Variants in PHF3 observed in about 807,000 individuals in gnomAD.
PHF3 encodes PHD finger protein 3.
Under a neutral mutation model 178.4 loss-of-function variants are expected in PHF3, and 41 were observed. That is an observed-to-expected ratio of 0.23 (90% CI 0.18 to 0.30). The LOEUF is 0.30. Ranked by LOEUF, PHF3 falls within the 10% of genes least tolerant of loss-of-function variation. PHF3 has a pLI of 1.00. For missense variants in PHF3, 2,346 were observed against 2,398.1 expected, an observed-to-expected ratio of 0.98 and a Z score of 0.45; for synonymous variants, 842 against 800.5, an observed-to-expected ratio of 1.05 and a Z score of -0.88.
At position 63,725,045 on chromosome 6, in the gene PHF3, T is replaced by C. The variant is rs1561996045; in HGVS notation, c.*11337T>C. ...TATCACTTGATTACTAAAAAATAAGTTTATGCCTTTCATCTGATAATTGTT... is the reference window on the plus strand; with the variant it reads ...TATCACTTGATTACTAAAAAATAAGCTTATGCCTTTCATCTGATAATTGTT... On this transcript the variant is annotated 3_prime_UTR_variant, in exon 16 of 16. Transcript: ENST00000262043. Among the ~76,000 whole-genome samples the C allele has an allele frequency of 1.3e-5, 2 of 152,274 alleles. No individual in the cohort carries two copies. The highest frequency in any genetic ancestry group is 3.8e-4 in the East Asian group (2 of 5,196).
rs1447425950 is a variant in PHF3 at position 63,700,399 on chromosome 6, T to C, written c.3032T>C (p.Ile1011Thr). The change falls in exon 9 of 16, where the codon ATC (isoleucine) becomes ACC (threonine). Residue 1011 changes from isoleucine (I) to threonine (T), a missense_variant. Coordinates refer to ENST00000262043, the MANE Select transcript of PHF3 (RefSeq NM_001370348.2). ...GGAGAAGTAACTCCTGATCATCTTA[T>C]CAGAATGAGTCCAGAAGAACTAGCT... ...LKGEVTPDHLIRMSPEELASK... is the reference protein window; with the variant it reads ...LKGEVTPDHLTRMSPEELASK... The C allele has an allele frequency of 1.9e-6, 3 of 1,602,870 alleles. No homozygotes were observed.
In PHF3 at chr6:63,720,920, G is replaced by A. The variant is rs1334763086; in HGVS notation, c.*7212G>A. On this transcript the variant is annotated 3_prime_UTR_variant, in exon 16 of 16. Transcript: ENST00000262043. ...GGTGCCATTTATTACAACAGAATGT[G>A]CCATTGTTATAGCTCATAGGCACAG... 1.9e-6 allele frequency: 3 copies of A among 1,551,166 alleles called. No homozygotes were observed. The highest frequency in any genetic ancestry group is 2.6e-6 in the Non-Finnish European group (3 of 1,146,656).
rs1766645196 is a variant in PHF3 at position 63,685,414 on chromosome 6, G to A, written c.1692G>A (p.Gly564=). The part of the protein sequence containing the change: ...KEPKIQSCNS[G]VKSVKNQAHS... ...CAAAGATTCAGAGTTGCAATTCTGG[G>A]GTTAAATCTGTGAAAAACCAAGCTC... Residue 564 remains glycine, a synonymous_variant, in exon 4 of 16, where the codon GGG becomes GGA. Coordinates refer to ENST00000262043, the MANE Select transcript of PHF3 (RefSeq NM_001370348.2). 4 of 1,613,864 alleles carry A rather than the reference G, an allele frequency of 2.5e-6. No homozygotes were observed. Among genetic ancestry groups the A allele is most frequent in the Non-Finnish European group, 3.4e-6 (4 of 1,179,950 alleles).
chr6:63,677,479 A>G (rs1766220421), intron 2 of PHF3, among the ~76,000 whole-genome samples: 1 of 152,196 alleles, frequency 6.6e-6, no homozygotes, highest in African/African-American at 2.4e-5. Flanking sequence ...AGATGCTGCT[A>G]GGAAATGGAA....
rs1561993858 is a variant in PHF3 at position 63,721,224 on chromosome 6, C to T, written c.*7516C>T. 2 of 1,551,736 alleles carry T rather than the reference C, an allele frequency of 1.3e-6. No homozygotes were observed. The highest frequency in any genetic ancestry group is 4.9e-5 in the East Asian group (2 of 40,916). ...CACCCAACCCAAAGTACACAGGCAA[C>T]TGTAAGAAAATGATTGGTCAGGTAT... On this transcript the variant is annotated 3_prime_UTR_variant, in exon 16 of 16. Transcript: ENST00000262043.
At chr6:63,688,660 G>C (rs1173336061) in intron 4 of PHF3, among the ~76,000 whole-genome samples, 1 of 151,968 alleles carries the variant, frequency 6.6e-6, no homozygotes, top group Non-Finnish European at 1.5e-5. Context: ...ATATTAACTA[G>C]CCTTCACTAC....
Position 63,713,038 on chromosome 6 carries a change from T to G in PHF3, c.5450T>G (p.Phe1817Cys). 6.2e-7 allele frequency: 1 copy of G among 1,613,960 alleles called. No homozygotes were observed. The change falls in exon 16 of 16, where the codon TTT (phenylalanine) becomes TGT (cysteine). Residue 1817 changes from phenylalanine (F) to cysteine (C), a missense_variant. By Grantham distance (205) the Phe-to-Cys change is radical (BLOSUM62 -2). Around this residue, in one of 8 missense-constraint regions of PHF3, gnomAD observed 839 missense variants for 806.9 expected, o/e 1.04. Transcript: ENST00000262043. ...HLKSSPPGFP[F>C]PGPPNFPPQS... ...AAGTCTAGCCCACCTGGATTTCCAT[T>G]TCCAGGGCCTCCTAATTTTCCCCCA... is the stretch of plus-strand genomic sequence containing the variant.
At chr6:63,669,080 C>T (rs1306032638) in intron 2 of PHF3, among the ~76,000 whole-genome samples, 1 of 152,164 alleles carries the variant, frequency 6.6e-6, no homozygotes, top group East Asian at 1.9e-4. Context: ...AAATTTGATA[C>T]ACACTGGTGA....
intron 2 of PHF3, among the ~76,000 whole-genome samples, chr6:63,676,248 A>G (rs771194639): frequency 5.3e-5 from 8 of 152,210 alleles, no homozygotes; most frequent in East Asian, 1.9e-4. Flanking sequence ...TTGTTATTCT[A>G]GGTTCTGGGG....
At chr6:63,662,718 C>T (rs1296650283) in intron 2 of PHF3, among the ~76,000 whole-genome samples, 1 of 152,044 alleles carries the variant, frequency 6.6e-6, no homozygotes, top group Admixed American at 6.5e-5. Context: ...TTAAGTGAAT[C>T]GTGAATGACA....
At chr6:63,658,685 CAG>C (rs1302893597) in intron 2 of PHF3, among the ~76,000 whole-genome samples, 9 of 149,740 alleles carry the variant, frequency 6.0e-5, no homozygotes, top group Admixed American at 6.0e-4. Context: ...CAAGGTTTTC[CAG>C]AGAAACAGAA....
chr6:63,668,542 A>G (rs1765774219), intron 2 of PHF3, among the ~76,000 whole-genome samples: 1 of 151,944 alleles, frequency 6.6e-6, no homozygotes, highest in African/African-American at 2.4e-5. Flanking sequence ...GGGTCTCTCC[A>G]TGTTGCCCAG....
rs138812382 is a variant in PHF3 at position 63,686,914 on chromosome 6, G to C, written c.2189+1003G>C. Among the ~76,000 whole-genome samples the C allele has an allele frequency of 2.0e-3, 297 of 152,292 alleles. 1 individual carries two copies. The highest frequency in any genetic ancestry group is 3.7e-3 in the Non-Finnish European group (249 of 68,022). On this transcript the variant is annotated intron_variant, in intron 4 of 15. Coordinates refer to ENST00000262043, the MANE Select transcript of PHF3 (RefSeq NM_001370348.2). ...TTTTGGTGGTGTTAGGGTGATTGGG[G>C]AGATCGGAAAGGAGATGTTGGGGCT...
In PHF3 at chr6:63,722,299, T is replaced by TGG. The variant is rs898103930; in HGVS notation, c.*8591_*8592insGG. Among the ~76,000 whole-genome samples, 7 of 152,124 alleles carry TGG rather than the reference T, an allele frequency of 4.6e-5. No individual in the cohort carries two copies. Among genetic ancestry groups the TGG allele is most frequent in the Non-Finnish European group, 8.8e-5 (6 of 68,012 alleles). The stretch of plus-strand genomic sequence containing the variant: ...TTTCTAGGAACACTCCGCCACCCCA[T>TGG]TCCACCTCAACTAGATAACTCCTAC... On this transcript the variant is annotated 3_prime_UTR_variant, in exon 16 of 16. Coordinates refer to ENST00000262043, the MANE Select transcript of PHF3 (RefSeq NM_001370348.2).
At chr6:63,672,913 C>T (rs1765982318) in intron 2 of PHF3, among the ~76,000 whole-genome samples, 1 of 152,188 alleles carries the variant, frequency 6.6e-6, no homozygotes, top group African/African-American at 2.4e-5. Context: ...CTGCCGATTT[C>T]TGTATGTCAC....
Position 63,712,079 on chromosome 6 carries a change from A to T in PHF3, c.4491A>T (p.Pro1497=). The change falls in exon 16 of 16, where the codon CCA becomes CCT. Residue 1497 remains proline (P), a synonymous_variant. Coordinates refer to ENST00000262043, the MANE Select transcript of PHF3 (RefSeq NM_001370348.2). ...VMEQNTVKEI[P]FLNEQTNSKI... ...AACAAAACACTGTTAAAGAAATTCC[A>T]TTTTTAAATGAGCAGACCAACTCAA... 6.2e-7 allele frequency: 1 copy of T among 1,613,732 alleles called. No individual in the cohort carries two copies. The highest frequency in any genetic ancestry group is 8.5e-7 in the Non-Finnish European group (1 of 1,179,956).
Position 63,685,606 on chromosome 6 carries a change from T to A in PHF3, c.1884T>A (p.His628Gln), listed in dbSNP as rs1471364107. The change falls in exon 4 of 16, where the codon CAT becomes CAA. Residue 628 changes from histidine (H) to glutamine (Q), a missense_variant. By Grantham distance (24) the His-to-Gln change is conservative (BLOSUM62 0). Transcript: ENST00000262043. ...HVSHSSQKQC[H>Q]KPQQQAPAMK... ...CACATTCTAGCCAGAAACAGTGTCA[T>A]AAGCCTCAGCAACAGGCCCCAGCAA... is the stretch of plus-strand genomic sequence containing the variant. The A allele has an allele frequency of 6.2e-7, 1 of 1,614,086 alleles. No individual in the cohort carries two copies. The highest frequency in any genetic ancestry group is 1.7e-5 in the Admixed American group (1 of 60,014).
chr6:63,653,265 CTA>C (rs1023277009), intron 2 of PHF3, among the ~76,000 whole-genome samples: 1 of 150,398 alleles, frequency 6.6e-6, no homozygotes, highest in Non-Finnish European at 1.5e-5. Context: ...TGCATTGAAT[CTA>C]TACACTGCTT....
intron 1 of PHF3, among the ~76,000 whole-genome samples, chr6:63,645,994 G>A (rs1407080812): frequency 1.3e-5 from 2 of 152,096 alleles, no homozygotes; most frequent in Non-Finnish European, 2.9e-5. Context: ...CACAATAAAA[G>A]CCCTTTGTCT....
Sources: gnomAD v4.1 joint callset for allele counts (sites outside exome capture counted in the v4.1 genomes callset) on GRCh38, gnomAD v4.1.1 for gene constraint, gnomAD v4.1.1 regional missense constraint, MANE v1.5 for transcripts, NCBI Gene and HGNC (gene_info 2026-07-23, HGNC 2026-07-21) for gene names.